Variants in PDGFRL observed in about 807,000 individuals in gnomAD.
The protein encoded by PDGFRL is platelet-derived growth factor receptor-like protein.
Under a neutral mutation model 37.2 loss-of-function variants are expected in PDGFRL, and 46 were observed. The observed-to-expected ratio is 1.24, with a 90% CI of 0.98 to 1.58. The LOEUF (loss-of-function observed/expected upper bound fraction) is 1.58, where lower values mean the gene tolerates loss of function less well. PDGFRL is among the 40% of genes most tolerant of loss of function. The pLI is 0.00. For synonymous variants in PDGFRL, 251 were observed against 184.3 expected (o/e 1.36, Z -2.93); for missense variants, 692 against 467.6 (o/e 1.48, Z -4.43).
intron 2 of PDGFRL, among the ~76,000 whole-genome samples, chr8:17,619,823 C>T (rs1392787211): frequency 6.6e-6 from 1 of 152,224 alleles, no homozygotes; most frequent in Admixed American, 6.5e-5. Context: ...ATAGCTATTG[C>T]ACCAATGGTT....
chr8:17,612,059 C>T (rs1804428208), intron 2 of PDGFRL, among the ~76,000 whole-genome samples: 1 of 152,128 alleles, frequency 6.6e-6, no homozygotes, highest in Non-Finnish European at 1.5e-5. Context: ...TAAGAAACAG[C>T]CATGCTGCAC....
chr8:17,621,918 C>T (rs1156426257), intron 3 of PDGFRL, among the ~76,000 whole-genome samples: 1 of 152,166 alleles, frequency 6.6e-6, no homozygotes, highest in Non-Finnish European at 1.5e-5. Flanking sequence ...AGCTATCCTC[C>T]TGCTTCGGTC....
At chr8:17,599,981 G>C (rs1285161101) in intron 2 of PDGFRL, among the ~76,000 whole-genome samples, 1 of 151,968 alleles carries the variant, frequency 6.6e-6, no homozygotes, top group Non-Finnish European at 1.5e-5. Flanking sequence ...AGGATTTATG[G>C]GTCCTTTTCA....
chr8:17,597,862 A>G (rs1187788724), intron 2 of PDGFRL, among the ~76,000 whole-genome samples: 1 of 152,194 alleles, frequency 6.6e-6, no homozygotes, highest in Non-Finnish European at 1.5e-5. Context: ...TGTTTAAAGC[A>G]ATATTTCAGT....
intron 2 of PDGFRL, among the ~76,000 whole-genome samples, chr8:17,620,378 A>G (rs541374788): frequency 1.3e-5 from 2 of 152,304 alleles, no homozygotes; most frequent in South Asian, 4.1e-4. Flanking sequence ...GTTTTTAGTG[A>G]TAGATTTTGC....
At chr8:17,577,561 C>CA (rs1302597365) in intron 1 of PDGFRL, among the ~76,000 whole-genome samples, 1 of 151,836 alleles carries the variant, frequency 6.6e-6, no homozygotes, top group Non-Finnish European at 1.5e-5. Flanking sequence ...AGGACCTCTC[C>CA]AAGTCCCCAT....
Position 17,621,054 on chromosome 8 carries a change from C to G in PDGFRL, c.357C>G (p.Val119=). 6.3e-7 allele frequency: 1 copy of G among 1,597,868 alleles called. No homozygotes were observed. The change falls in exon 3 of 6, where the codon GTC becomes GTG. Residue 119 remains valine, a synonymous_variant. Coordinates refer to ENST00000251630, the MANE Select transcript of PDGFRL (RefSeq NM_001372073.1). ...TTCATGTGTCTTTTATTCCTAGCGT[C>G]AAGCAGAATGAGCGCTACGGCCAGT... ...LDTFKDSRLS[V]KQNERYGQLT...
chr8:17,622,898 T>G (rs759359587), intron 3 of PDGFRL, among the ~76,000 whole-genome samples: 121 of 152,078 alleles, frequency 8.0e-4, no homozygotes, highest in Non-Finnish European at 1.6e-3. Flanking sequence ...TCCACGTTGA[T>G]TTATTTCCCT....
intron 5 of PDGFRL, among the ~76,000 whole-genome samples, chr8:17,641,853 G>T (rs892746805): frequency 6.9e-6 from 1 of 145,854 alleles, no homozygotes; most frequent in Non-Finnish European, 1.5e-5. Context: ...ATTATCAAAC[G>T]TGTTGGTCAT....
intron 5 of PDGFRL, among the ~76,000 whole-genome samples, chr8:17,635,630 G>C (rs1175350991): frequency 6.6e-6 from 1 of 151,986 alleles, no homozygotes; most frequent in African/African-American, 2.4e-5. Context: ...TTTTCCTCTG[G>C]GTAGATACCC....
intron 5 of PDGFRL, among the ~76,000 whole-genome samples, chr8:17,634,661 C>A (rs575746979): frequency 6.6e-6 from 1 of 152,122 alleles, no homozygotes; most frequent in South Asian, 2.1e-4. Context: ...AGATCATGTC[C>A]TTTGCAGGAA....
In PDGFRL at chr8:17,641,781, T is replaced by C. The variant is rs540007933; in HGVS notation, c.940-832T>C. 3.3e-5 allele frequency among the ~76,000 whole-genome samples: 5 copies of C among 151,886 alleles called. No individual in the cohort carries two copies. In the South Asian group the frequency reaches 6.2e-4, roughly 19 times the overall value. On this transcript the variant is annotated intron_variant, in intron 5 of 5. Transcript: ENST00000251630. ...CATCCTTCTGGCCTATGGGCTGTGATTGGTAGAAAATAACTGTCTCTGGGG... is the reference window on the plus strand; with the variant it reads ...CATCCTTCTGGCCTATGGGCTGTGACTGGTAGAAAATAACTGTCTCTGGGG...
intron 2 of PDGFRL, among the ~76,000 whole-genome samples, chr8:17,610,486 G>A (rs553548371): frequency 2.0e-5 from 3 of 152,164 alleles, no homozygotes; most frequent in African/African-American, 7.2e-5. Context: ...TCCAAAATCT[G>A]AGAAAAATCT....
At position 17,621,062 on chromosome 8, in the gene PDGFRL, A is replaced by C; in HGVS notation, c.365A>C (p.Asn122Thr). 1 of 1,602,860 alleles carries C rather than the reference A, an allele frequency of 6.2e-7. No individual in the cohort carries two copies. The highest frequency in any genetic ancestry group is 8.5e-7 in the Non-Finnish European group (1 of 1,172,490). ...TCTTTTATTCCTAGCGTCAAGCAGA[A>C]TGAGCGCTACGGCCAGTTGACTCTG... ...FKDSRLSVKQ[N>T]ERYGQLTLVN... The change falls in exon 3 of 6, where the codon AAT becomes ACT. Residue 122 changes from asparagine to threonine, a missense_variant. By Grantham distance (65) the Asn-to-Thr change is moderately conservative (BLOSUM62 0). Coordinates refer to ENST00000251630, the MANE Select transcript of PDGFRL (RefSeq NM_001372073.1).
intron 1 of PDGFRL, among the ~76,000 whole-genome samples, chr8:17,588,799 A>C (rs1280611959): frequency 6.6e-6 from 1 of 152,208 alleles, no homozygotes; most frequent in East Asian, 1.9e-4. Context: ...TATAGACTGC[A>C]AAGTAAACAA....
chr8:17,605,238 C>T (rs1398002102), intron 2 of PDGFRL, among the ~76,000 whole-genome samples: 1 of 152,156 alleles, frequency 6.6e-6, no homozygotes, highest in Non-Finnish European at 1.5e-5. Context: ...TCATTGCCTT[C>T]AGAAGAAAGA....
chr8:17,598,948 G>C (rs1804109527), intron 2 of PDGFRL, among the ~76,000 whole-genome samples: 1 of 152,148 alleles, frequency 6.6e-6, no homozygotes, highest in South Asian at 2.1e-4. Flanking sequence ...CCAGCCACGT[G>C]GAACTGTGAA....
intron 1 of PDGFRL, among the ~76,000 whole-genome samples, chr8:17,583,688 T>A (rs530816227): frequency 5.3e-5 from 8 of 152,172 alleles, no homozygotes; most frequent in Non-Finnish European, 1.2e-4. Flanking sequence ...GGACCCCTCA[T>A]GAATGGCTTG....
intron 5 of PDGFRL, among the ~76,000 whole-genome samples, chr8:17,638,752 T>C (rs1320667439): frequency 1.7e-5 from 1 of 58,344 alleles, no homozygotes; most frequent in Non-Finnish European, 3.3e-5. Flanking sequence ...TATATATATA[T>C]ATATATATAT....
Sources: gnomAD v4.1 joint callset for allele counts (sites outside exome capture counted in the v4.1 genomes callset) on GRCh38, gnomAD v4.1.1 for gene constraint, MANE v1.5 for transcripts, NCBI Gene and HGNC (gene_info 2026-07-23, HGNC 2026-07-21) for gene names.